Variants in GALNT18 observed in about 807,000 individuals in gnomAD.
GALNT18 encodes the protein GalNAc-transferase 18.
Under a neutral mutation model 69.5 loss-of-function variants are expected in GALNT18, and 44 were observed. The observed-to-expected ratio is 0.63, with a 90% CI of 0.50 to 0.81. The LOEUF (loss-of-function observed/expected upper bound fraction) is 0.81. Among genes scored for constraint, GALNT18 ranks in the 40% least tolerant of loss-of-function variants. The pLI is 0.00. For missense variants in GALNT18, 715 were observed against 810.0 expected, an observed-to-expected ratio of 0.88 and a Z score of 1.42; for synonymous variants, 364 against 318.2, an observed-to-expected ratio of 1.14 and a Z score of -1.53.
At position 11,523,575 on chromosome 11, in the gene GALNT18, C is replaced by T. The variant is rs1384636466; in HGVS notation, c.236-74639G>A. On this transcript the variant is annotated intron_variant, in intron 1 of 10. Coordinates refer to ENST00000227756, the MANE Select transcript of GALNT18 (RefSeq NM_198516.3). The surrounding 1 kb of genome is among the most constrained non-coding windows in gnomAD (Gnocchi z 4.3). ...TCTACTAAAAATACAAAAAATTAGC[C>T]AGGCGTGTTGGTGGGCTCCTGTAGT... Among the ~76,000 whole-genome samples the T allele has an allele frequency of 6.6e-6, 1 of 151,842 alleles. No homozygotes were observed. Among genetic ancestry groups the T allele is most frequent in the Non-Finnish European group, 1.5e-5 (1 of 67,972 alleles).
intron 3 of GALNT18, among the ~76,000 whole-genome samples, chr11:11,416,997 C>T (rs954934858): frequency 2.6e-5 from 4 of 152,226 alleles, no homozygotes; most frequent in African/African-American, 9.6e-5. Context: ...GACTCCTCTG[C>T]AGCCTGGTCG....
rs529702187 is a variant in GALNT18, at chr11:11,591,708, C to T, written c.235+29651G>A. Among the ~76,000 whole-genome samples the T allele has an allele frequency of 6.6e-6, 1 of 152,186 alleles. No individual in the cohort carries two copies. Among genetic ancestry groups the T allele is most frequent in the Non-Finnish European group, 1.5e-5 (1 of 68,018 alleles). On this transcript the variant is annotated intron_variant, in intron 1 of 10. Transcript: ENST00000227756. This position sits in a 1 kb window ranked among gnomAD's most constrained non-coding sequence, Gnocchi z 4.8. ...TGAGATAGTAATAGAAGTGCATTTT[C>T]TTTAGTGCCAGATGGAAATACAATG... is the stretch of plus-strand genomic sequence containing the variant.
intron 1 of GALNT18, among the ~76,000 whole-genome samples, chr11:11,530,309 A>C (rs1412350787): frequency 2.6e-5 from 4 of 152,276 alleles, no homozygotes; most frequent in Middle Eastern, 3.4e-3. Context: ...GTCCACAGCA[A>C]ACAGGAAGGC....
intron 3 of GALNT18, among the ~76,000 whole-genome samples, chr11:11,411,620 G>T (rs573797059): frequency 6.6e-5 from 10 of 152,322 alleles, no homozygotes; most frequent in African/African-American, 2.4e-4. Context: ...CACCTGCTCA[G>T]CCTGGAACTG....
chr11:11,428,136 A>G (rs901420526), intron 3 of GALNT18, among the ~76,000 whole-genome samples: 1 of 152,228 alleles, frequency 6.6e-6, no homozygotes, highest in African/African-American at 2.4e-5. Flanking sequence ...TTTGAAAAAC[A>G]TGAAAGTCTT....
chr11:11,463,470 AG>A lies in GALNT18; in HGVS notation c.236-14535del, dbSNP rs1856090400. ...CAGTGCAGAAGGATAAATACGAGCC[AG>A]GGCCCCAGCGAGGTTGAGGTCTGCT... On this transcript the variant is annotated intron_variant, in intron 1 of 10. Coordinates refer to ENST00000227756, the MANE Select transcript of GALNT18 (RefSeq NM_198516.3). This position sits in a 1 kb window ranked among gnomAD's most constrained non-coding sequence, Gnocchi z 4.2. 2.6e-5 allele frequency among the ~76,000 whole-genome samples: 4 copies of A among 152,346 alleles called. No homozygotes were observed. The highest frequency in any genetic ancestry group is 9.6e-5 in the African/African-American group (4 of 41,586).
intron 3 of GALNT18, among the ~76,000 whole-genome samples, chr11:11,412,929 A>T (rs1854764790): frequency 6.6e-6 from 1 of 152,186 alleles, no homozygotes; most frequent in South Asian, 2.1e-4. Flanking sequence ...TCAACCAATG[A>T]TGGAAGGGAG....
In GALNT18 at chr11:11,432,078, T is replaced by C. The variant is rs778632350; in HGVS notation, c.595+543A>G. ...CACCCAGGGTCTGGCTAGGGACAGATGGAACAGGGAACAGGGGATCCAGCA... is the reference window on the plus strand; with the variant it reads ...CACCCAGGGTCTGGCTAGGGACAGACGGAACAGGGAACAGGGGATCCAGCA... On this transcript the variant is annotated intron_variant, in intron 3 of 10. Transcript: ENST00000227756. This position sits in a 1 kb window ranked among gnomAD's most constrained non-coding sequence, Gnocchi z 5.8. Among the ~76,000 whole-genome samples the C allele has an allele frequency of 5.9e-5, 9 of 152,120 alleles. No homozygotes were observed. The highest frequency in any genetic ancestry group is 1.2e-4 in the Non-Finnish European group (8 of 68,026).
intron 9 of GALNT18, among the ~76,000 whole-genome samples, chr11:11,311,142 C>A (rs1302782242): frequency 1.3e-5 from 2 of 152,136 alleles, no homozygotes; most frequent in Non-Finnish European, 2.9e-5. Flanking sequence ...ATAGGACAGT[C>A]CCACGCAGTA....
intron 3 of GALNT18, among the ~76,000 whole-genome samples, chr11:11,424,757 G>T (rs1376857323): frequency 6.6e-6 from 1 of 152,160 alleles, no homozygotes; most frequent in Admixed American, 6.5e-5. Context: ...CTGGGGCGGT[G>T]CTAGGGGCAG....
Position 11,602,411 on chromosome 11 carries a change from C to G in GALNT18, c.235+18948G>C, listed in dbSNP as rs562026180. Among the ~76,000 whole-genome samples, 1 of 152,204 alleles carries G rather than the reference C, an allele frequency of 6.6e-6. No individual in the cohort carries two copies. The highest frequency in any genetic ancestry group is 1.9e-4 in the East Asian group (1 of 5,170). ...GACATGAGAAATCCTGGTGGCCTGGCCCTTCTGGGAGAGAAATATAGCCCT... is the reference window on the plus strand; with the variant it reads ...GACATGAGAAATCCTGGTGGCCTGGGCCTTCTGGGAGAGAAATATAGCCCT... On this transcript the variant is annotated intron_variant, in intron 1 of 10. Coordinates refer to ENST00000227756, the MANE Select transcript of GALNT18 (RefSeq NM_198516.3). This position sits in a 1 kb window ranked among gnomAD's most constrained non-coding sequence, Gnocchi z 4.7.
intron 3 of GALNT18, among the ~76,000 whole-genome samples, chr11:11,407,103 C>G (rs1854605798): frequency 6.6e-6 from 1 of 152,186 alleles, no homozygotes. Context: ...GGATTTAAAC[C>G]AGCAGATTGC....
At chr11:11,517,800 C>A (rs1365938414) in intron 1 of GALNT18, among the ~76,000 whole-genome samples, 1 of 152,128 alleles carries the variant, frequency 6.6e-6, no homozygotes, top group Non-Finnish European at 1.5e-5. Context: ...CCCCAAGCTT[C>A]AAAACCCACT....
At chr11:11,478,933 TGGCATCTC>T (rs1856463126) in intron 1 of GALNT18, among the ~76,000 whole-genome samples, 1 of 7,600 alleles carries the variant, frequency 1.3e-4, no homozygotes, top group Non-Finnish European at 6.2e-4. Flanking sequence ...CCCGCGGAGG[TGGCATCTC>T]CCGCGGAGGT....
At position 11,293,538 on chromosome 11, in the gene GALNT18, T is replaced by TTTTTC. The variant is rs1226718309; in HGVS notation, c.1513-346_1513-345insGAAAA. ...CACCCAGTTTACAAACCCCTCTTTT[T>TTTTTC]TTTTTTTTTTTTTTTTTTTGGAGAC... On this transcript the variant is annotated intron_variant, in intron 9 of 10. Transcript: ENST00000227756. 9.0e-3 allele frequency among the ~76,000 whole-genome samples: 890 copies of TTTTTC among 99,266 alleles called. 22 individuals carry two copies. Among genetic ancestry groups the TTTTTC allele is most frequent in the African/African-American group, 0.033 (854 of 25,752 alleles). 65.1% of individuals were successfully genotyped at this position (99,266 alleles called of 152,430 possible). A position where few individuals can be genotyped will look rare whatever the true frequency, so the allele number is the denominator to read the frequency against.
intron 10 of GALNT18, among the ~76,000 whole-genome samples, chr11:11,280,524 C>G (rs914754443): frequency 6.6e-6 from 1 of 152,242 alleles, no homozygotes; most frequent in East Asian, 1.9e-4. Flanking sequence ...TGAGGCTTCC[C>G]CAGCGGCCTG....
chr11:11,472,124 T>C (rs1856287359), intron 1 of GALNT18, among the ~76,000 whole-genome samples: 1 of 152,318 alleles, frequency 6.6e-6, no homozygotes, highest in Non-Finnish European at 1.5e-5. Context: ...TATCTCACAC[T>C]AGGCACAGCT....
Position 11,340,561 on chromosome 11 carries a change from T to G in GALNT18, c.1278+258A>C, listed in dbSNP as rs1196655886. ...GAGCTACCTGTCCAACTTTCTCATT[T>G]AAAATTAGGACACTAAGATCCAGAG... On this transcript the variant is annotated intron_variant, in intron 7 of 10. Coordinates refer to ENST00000227756, the MANE Select transcript of GALNT18 (RefSeq NM_198516.3). This position sits in a 1 kb window ranked among gnomAD's most constrained non-coding sequence, Gnocchi z 4.2. Among the ~76,000 whole-genome samples, 5 of 152,174 alleles carry G rather than the reference T, an allele frequency of 3.3e-5. No individual in the cohort carries two copies. The highest frequency in any genetic ancestry group is 6.5e-5 in the Admixed American group (1 of 15,284).
Position 11,356,964 on chromosome 11 carries a change from C to A in GALNT18, c.1092+15551G>T, listed in dbSNP as rs1340913652. On this transcript the variant is annotated intron_variant, in intron 6 of 10. Transcript: ENST00000227756. The surrounding 1 kb of genome is among the most constrained non-coding windows in gnomAD (Gnocchi z 4.4). ...GGTTTGTAATTGCAAAGAGTCACTC[C>A]ACGGCTGGCTGGTGTGCTAGGGGAT... 6.6e-6 allele frequency among the ~76,000 whole-genome samples: 1 copy of A among 152,142 alleles called. No individual in the cohort carries two copies. The highest frequency in any genetic ancestry group is 1.9e-4 in the East Asian group (1 of 5,194).
Sources: allele counts gnomAD v4.1 joint callset (sites outside exome capture counted in the v4.1 genomes callset), GRCh38; gene constraint gnomAD v4.1.1; non-coding constraint Gnocchi (gnomAD v3.1); transcripts MANE v1.5; gene names NCBI Gene and HGNC (gene_info 2026-07-23, HGNC 2026-07-21).